The following DMC1 variants were observed in gnomAD, a reference collection of about 807,000 sequenced individuals.
DMC1 encodes meiotic recombination protein DMC1 homolog.
Under a neutral mutation model 50.1 loss-of-function variants are expected in DMC1, and 27 were observed. The ratio of observed to expected loss-of-function variants is 0.54; its 90% CI spans 0.40 to 0.74. The LOEUF is 0.74. Ranked by LOEUF, DMC1 falls within the 30% of genes least tolerant of loss-of-function variation. The pLI is 0.00. For synonymous variants in DMC1, 148 were observed against 136.1 expected (o/e 1.09, Z -0.61); for missense variants, 295 against 420.2 (o/e 0.70, Z 2.60).
chr22:38,558,592 G>A (rs1466029536), intron 5 of DMC1, among the ~76,000 whole-genome samples: 4 of 151,984 alleles, frequency 2.6e-5, no homozygotes, highest in African/African-American at 9.7e-5. Context: ...GCACACACCT[G>A]TAGTCCCAGC....
chr22:38,509,677 G>GA, the DMC1 span, among the ~76,000 whole-genome samples: 2 of 149,794 alleles, frequency 1.3e-5, no homozygotes, highest in East Asian at 1.9e-4. Flanking sequence ...TTTGTTTTTT[G>GA]TTTTTTTTTA....
In DMC1 at chr22:38,521,732, A is replaced by G; in HGVS notation, c.837-8T>C. ...TTGGGATCTGCCTGAAAGCTGAATT[A>G]ATAAAATACTCTTTCAGGTTTCATC... is the stretch of plus-strand genomic sequence containing the variant. On this transcript the variant is annotated splice_region_variant and splice_polypyrimidine_tract_variant and intron_variant, in intron 12 of 13. Transcript: ENST00000216024. 1 of 1,575,808 alleles carries G rather than the reference A, an allele frequency of 6.3e-7. No homozygotes were observed. The highest frequency in any genetic ancestry group is 1.7e-4 in the Middle Eastern group (1 of 5,996).
chr22:38,545,258 A>C (rs2090331000), intron 8 of DMC1, among the ~76,000 whole-genome samples: 1 of 151,886 alleles, frequency 6.6e-6, no homozygotes, highest in Non-Finnish European at 1.5e-5. Flanking sequence ...AAAAAATACA[A>C]AAATTAGCTG....
intron 8 of DMC1, chr22:38,549,699 T>C (rs1247244662): frequency 2.1e-6 from 1 of 487,476 alleles, no homozygotes; most frequent in African/African-American, 2.0e-5. Context: ...ATGATATAAT[T>C]TCCTCTCATG....
chr22:38,518,191 C>T (rs1476002869), downstream of DMC1, among the ~76,000 whole-genome samples: 4 of 152,134 alleles, frequency 2.6e-5, no homozygotes, highest in East Asian at 1.9e-4. Context: ...AGGCTGGTCT[C>T]GAATTCCTGA....
intron 8 of DMC1, among the ~76,000 whole-genome samples, chr22:38,546,471 C>T (rs1226233832): frequency 6.6e-6 from 1 of 152,142 alleles, no homozygotes; most frequent in Admixed American, 6.6e-5. Flanking sequence ...TAAGAATCAT[C>T]CTTAATCAAT....
chr22:38,564,610 C>G (rs993971437), intron 4 of DMC1, among the ~76,000 whole-genome samples: 19 of 152,142 alleles, frequency 1.2e-4, no homozygotes, highest in Non-Finnish European at 2.2e-4. Flanking sequence ...TGCACCTGGC[C>G]TGATACCCGT....
At chr22:38,562,199 A>G (rs568691033) in intron 5 of DMC1, 88 bp downstream of exon 5, 3 of 888,676 alleles carry the variant, frequency 3.4e-6, no homozygotes, top group African/African-American at 3.4e-5. Flanking sequence ...TACTTCTACT[A>G]CTTATAGTAG....
Position 38,521,578 on chromosome 22 carries a change from CACACACACACAA to C in DMC1, c.953+18_953+29del. On this transcript the variant is annotated intron_variant, in intron 13 of 13. Coordinates refer to ENST00000216024, the MANE Select transcript of DMC1 (RefSeq NM_007068.4). ...ACACACACACACACACACACACACA[CACACACACACAA>C]AATAAAAAAAAATTTACCTGTCATA... 4 of 1,318,790 alleles carry C rather than the reference CACACACACACAA, an allele frequency of 3.0e-6. No homozygotes were observed. Among genetic ancestry groups the C allele is most frequent in the Non-Finnish European group, 4.3e-6 (4 of 920,924 alleles). The allele number at this position is 1,318,790 out of a possible 1,614,324, so 81.7% of individuals were successfully genotyped here.
At chr22:38,534,816 A>G (rs1442752485) in intron 12 of DMC1, among the ~76,000 whole-genome samples, 2 of 151,732 alleles carry the variant, frequency 1.3e-5, no homozygotes, top group Non-Finnish European at 2.9e-5. Flanking sequence ...AGCCTGGCCA[A>G]CGTGGTGAAA....
chr22:38,526,906 A>T, intron 12 of DMC1, among the ~76,000 whole-genome samples: 1 of 152,168 alleles, frequency 6.6e-6, no homozygotes, highest in East Asian at 1.9e-4. Flanking sequence ...ATTCAGTCTC[A>T]TGAGCTTGAT....
chr22:38,568,134 G>A, intron 2 of DMC1, 72 bp downstream of exon 2: 3 of 1,326,784 alleles, frequency 2.3e-6, no homozygotes, highest in Non-Finnish European at 2.2e-6. Flanking sequence ...AAAAATAGTA[G>A]CTAACAGGGA....
Position 38,549,978 on chromosome 22 carries a change from T to C in DMC1, c.441A>G (p.Gly147=). 1 of 1,613,554 alleles carries C rather than the reference T, an allele frequency of 6.2e-7. No individual in the cohort carries two copies. Among genetic ancestry groups the C allele is most frequent in the Non-Finnish European group, 8.5e-7 (1 of 1,179,638 alleles). Residue 147 remains glycine, a synonymous_variant, in exon 8 of 14, where the codon GGA becomes GGG. Transcript: ENST00000216024. ...HTLCVTAQLP[G]AGGYPGGKII... ...TCTTTCCTCCTGGGTAGCCACCAGC[T>C]CCTGGAAGTTGAGCTGTCACTAGGA...
chr22:38,568,236 C>A lies in DMC1; in HGVS notation c.21G>T (p.Val7=), dbSNP rs777796889. Residue 7 remains valine, a synonymous_variant, in exon 2 of 14, where the codon GTG becomes GTT. Transcript: ENST00000216024. ...CATCTTGGAATCCTGGTTCTTCCGC[C>A]ACAACTTGATCCTCCTTCATATTGA... MKEDQV[V]AEEPGFQDEE... is the part of the protein sequence containing the mutation. 1.1e-5 allele frequency: 18 copies of A among 1,614,092 alleles called. No individual in the cohort carries two copies. Among genetic ancestry groups the A allele is most frequent in the Non-Finnish European group, 1.4e-5 (17 of 1,180,006 alleles).
the DMC1 span, among the ~76,000 whole-genome samples, chr22:38,509,690 G>C: frequency 6.6e-6 from 1 of 151,724 alleles, no homozygotes; most frequent in Non-Finnish European, 1.5e-5. Context: ...TTTTTTTAGA[G>C]ACAGAGTCTC....
intron 4 of DMC1, among the ~76,000 whole-genome samples, chr22:38,563,526 G>GTC (rs367943861): frequency 4.6e-5 from 7 of 150,678 alleles, no homozygotes; most frequent in South Asian, 2.1e-4. Flanking sequence ...CTCTCTCTCT[G>GTC]TCTCTCTCTC....
chr22:38,542,330 G>C (rs2090290562), intron 8 of DMC1, among the ~76,000 whole-genome samples: 1 of 151,864 alleles, frequency 6.6e-6, no homozygotes, highest in East Asian at 1.9e-4. Flanking sequence ...AAAGCTATTA[G>C]AACTGATAAA....
At chr22:38,516,404 C>A (rs2089976883), downstream of DMC1, among the ~76,000 whole-genome samples, 3 of 152,106 alleles carry the variant, frequency 2.0e-5, no homozygotes, top group Admixed American at 2.0e-4. Context: ...CTCTGCTTAA[C>A]CCAGAAAAAT....
rs1317868901 is a variant in DMC1 at position 38,555,259 on chromosome 22, ATTGG to A, written c.379+94_379+97del. 12 of 800,478 alleles carry A rather than the reference ATTGG, an allele frequency of 1.5e-5. No homozygotes were observed. In the East Asian group the frequency reaches 2.4e-4, roughly 16 times the overall value. 49.6% of individuals were successfully genotyped at this position (800,478 alleles called of 1,614,324 possible). A position where few individuals can be genotyped will look rare whatever the true frequency, so the allele number is the denominator to read the frequency against. On this transcript the variant is annotated intron_variant, in intron 6 of 13. Transcript: ENST00000216024. ...AGTTCCAAAATACTTACAATTTATT[ATTGG>A]TTGTTTATTTAATTATATGTGTATG...
Sources: allele counts gnomAD v4.1 joint callset (sites outside exome capture counted in the v4.1 genomes callset), GRCh38; gene constraint gnomAD v4.1.1; transcripts MANE v1.5; gene names NCBI Gene and HGNC (gene_info 2026-07-23, HGNC 2026-07-21).